Variants in ACSS3 observed in about 807,000 individuals in gnomAD.
The protein encoded by ACSS3 is acyl-CoA synthetase short chain family member 3, also known as acyl-CoA synthetase short-chain family member 3, mitochondrial.
ACSS3 carries 64 observed loss-of-function variants against 84.2 expected under a neutral mutation model. That is an observed-to-expected ratio of 0.76 (90% CI 0.62 to 0.94). ACSS3 has a LOEUF of 0.94. Ranked by LOEUF, ACSS3 falls within the 40% of genes least tolerant of loss-of-function variation. The pLI, the probability that ACSS3 is intolerant of heterozygous loss-of-function variation, is 0.00. For synonymous variants in ACSS3, 317 were observed against 310.1 expected (o/e 1.02, Z -0.23); for missense variants, 815 against 867.6 (o/e 0.94, Z 0.76).
chr12:81,191,467 T>G (rs922622324), intron 8 of ACSS3, among the ~76,000 whole-genome samples: 1 of 152,140 alleles, frequency 6.6e-6, no homozygotes, highest in African/African-American at 2.4e-5. Flanking sequence ...CATGGAAGTC[T>G]TTTTCCCCGC....
chr12:81,227,395 ATT>A (rs1348563576), intron 11 of ACSS3, among the ~76,000 whole-genome samples: 3 of 109,438 alleles, frequency 2.7e-5, no homozygotes, highest in Non-Finnish European at 6.2e-5. Flanking sequence ...GTTGAGGACT[ATT>A]TACACACACA....
intron 1 of ACSS3, among the ~76,000 whole-genome samples, chr12:81,093,702 A>T (rs1184654338): frequency 6.6e-6 from 1 of 152,082 alleles, no homozygotes; most frequent in Non-Finnish European, 1.5e-5. Flanking sequence ...CAGTAATAAC[A>T]TCTTACATAA....
intron 9 of ACSS3, among the ~76,000 whole-genome samples, chr12:81,214,576 T>C (rs1159973919): frequency 6.6e-6 from 1 of 152,184 alleles, no homozygotes; most frequent in Admixed American, 6.5e-5. Context: ...ATAATTACTA[T>C]AGAAAGATGC....
Position 81,191,772 on chromosome 12 carries a change from C to T in ACSS3, c.1251-7569C>T, listed in dbSNP as rs531382860. 3.9e-5 allele frequency among the ~76,000 whole-genome samples: 6 copies of T among 152,072 alleles called. No individual in the cohort carries two copies. In the South Asian group the frequency reaches 1.1e-3, roughly 27 times the overall value. On this transcript the variant is annotated intron_variant, in intron 8 of 15. Coordinates refer to ENST00000548058, the MANE Select transcript of ACSS3 (RefSeq NM_024560.4). ...CCATATCACCTATATTTCACAGGCT[C>T]TGTTTGATGATTTTTCTGCTTTTTT...
At chr12:81,194,084 T>TA (rs1489246641) in intron 8 of ACSS3, among the ~76,000 whole-genome samples, 4 of 151,714 alleles carry the variant, frequency 2.6e-5, no homozygotes, top group Admixed American at 2.0e-4. Flanking sequence ...ATTTTTTTTT[T>TA]ATAAACCACT....
chr12:81,120,636 A>G (rs4489814), intron 2 of ACSS3, among the ~76,000 whole-genome samples: 118,490 of 152,156 alleles, frequency 0.78, 48,542 homozygotes, highest in Non-Finnish European at 0.91. Context: ...AGATAAATAC[A>G]TAGCTATGAA....
intron 4 of ACSS3, among the ~76,000 whole-genome samples, chr12:81,140,197 G>A (rs1169599507): frequency 6.6e-6 from 1 of 152,092 alleles, no homozygotes; most frequent in Non-Finnish European, 1.5e-5. Flanking sequence ...CTATGCTTAG[G>A]AAAACAAAAC....
At chr12:81,252,979 A>G (rs984039298) in intron 13 of ACSS3, among the ~76,000 whole-genome samples, 1 of 152,206 alleles carries the variant, frequency 6.6e-6, no homozygotes. Context: ...TACAGTATCC[A>G]CTACACATTT....
intron 11 of ACSS3, among the ~76,000 whole-genome samples, chr12:81,221,664 C>T (rs564377319): frequency 3.9e-5 from 6 of 152,136 alleles, no homozygotes; most frequent in African/African-American, 7.2e-5. Context: ...CATTTGTATT[C>T]GCAGTTCTCT....
chr12:81,215,039 G>T (rs894943635), intron 9 of ACSS3, among the ~76,000 whole-genome samples: 2 of 152,052 alleles, frequency 1.3e-5, no homozygotes, highest in Admixed American at 6.6e-5. Flanking sequence ...TCATCACCCT[G>T]CTCTGGTCTC....
intron 2 of ACSS3, among the ~76,000 whole-genome samples, chr12:81,117,612 T>C (rs1884156945): frequency 6.6e-6 from 1 of 152,090 alleles, no homozygotes; most frequent in Non-Finnish European, 1.5e-5. Flanking sequence ...TAGGTGAGTA[T>C]CCAGGAGTCA....
intron 7 of ACSS3, 123 bp from the exon 8 acceptor site, chr12:81,174,665 A>T: frequency 9.5e-7 from 1 of 1,050,722 alleles, no homozygotes; most frequent in Non-Finnish European, 1.3e-6. Context: ...GAAATATTTT[A>T]AAACTAAGAT....
At chr12:81,236,140 T>G (rs1330742188) in intron 13 of ACSS3, among the ~76,000 whole-genome samples, 2 of 151,358 alleles carry the variant, frequency 1.3e-5, no homozygotes, top group East Asian at 3.9e-4. Context: ...TTTGTATTTC[T>G]AATTTGCTGA....
chr12:81,134,445 G>T (rs1898157), intron 2 of ACSS3, among the ~76,000 whole-genome samples: 1 of 151,990 alleles, frequency 6.6e-6, no homozygotes, highest in African/African-American at 2.4e-5. Context: ...TTCACCTTTT[G>T]CAATACATAG....
intron 11 of ACSS3, among the ~76,000 whole-genome samples, chr12:81,230,763 G>C (rs1433836314): frequency 1.3e-5 from 2 of 151,752 alleles, no homozygotes; most frequent in Admixed American, 6.6e-5. Context: ...TTTTTTTGCA[G>C]ATATTATGTT....
chr12:81,200,910 A>G (rs1260585256), intron 9 of ACSS3, among the ~76,000 whole-genome samples: 2 of 151,114 alleles, frequency 1.3e-5, no homozygotes, highest in Admixed American at 6.6e-5. Context: ...AAAAAAAGAA[A>G]AAGAAAGAAA....
chr12:81,147,899 GTA>G (rs766310877), intron 5 of ACSS3, among the ~76,000 whole-genome samples: 5 of 150,266 alleles, frequency 3.3e-5, no homozygotes, highest in African/African-American at 4.9e-5. Flanking sequence ...ACGCACACAT[GTA>G]TATATATATG....
At chr12:81,199,725 T>A in intron 9 of ACSS3, 1 of 1,320,076 alleles carries the variant, frequency 7.6e-7, no homozygotes, top group South Asian at 1.2e-5. Context: ...AGTTACTAAG[T>A]CTCAGATTTT....
At chr12:81,197,841 T>A (rs2031908273) in intron 8 of ACSS3, among the ~76,000 whole-genome samples, 3 of 152,288 alleles carry the variant, frequency 2.0e-5, no homozygotes, top group African/African-American at 7.2e-5. Flanking sequence ...ATTCTGGTTA[T>A]TACTGCCTTG....
Sources: gnomAD v4.1 joint callset for allele counts (sites outside exome capture counted in the v4.1 genomes callset) on GRCh38, gnomAD v4.1.1 for gene constraint, MANE v1.5 for transcripts, NCBI Gene and HGNC (gene_info 2026-07-23, HGNC 2026-07-21) for gene names.